The following STAU1 variants were observed in gnomAD, a reference collection of about 807,000 sequenced individuals.
STAU1 encodes the protein double-stranded RNA-binding protein Staufen homolog 1.
In STAU1, 13 loss-of-function variants were observed where a neutral mutation model predicts 62.9. That is an observed-to-expected ratio of 0.21 (90% confidence interval 0.13 to 0.33). The LOEUF (loss-of-function observed/expected upper bound fraction) is 0.33. Ranked by LOEUF, STAU1 falls within the 10% of genes least tolerant of loss-of-function variation. STAU1 has a pLI of 1.00. For synonymous variants in STAU1, 269 were observed against 265.1 expected, an observed-to-expected ratio of 1.01 and a Z score of -0.14; for missense variants, 571 against 712.1, an observed-to-expected ratio of 0.80 and a Z score of 2.25.
chr20:49,159,276 G>C, intron 3 of STAU1: 1 of 428,196 alleles, frequency 2.3e-6, no homozygotes, highest in Non-Finnish European at 3.2e-6. Context: ...TCTTGGTTTT[G>C]ATAGAACCAA....
At chr20:49,214,394 T>C in the STAU1 span, among the ~76,000 whole-genome samples, 1 of 152,078 alleles carries the variant, frequency 6.6e-6, no homozygotes, top group Admixed American at 6.6e-5. Flanking sequence ...GGCATGTGCC[T>C]GTAGTCCCAA....
intron 9 of STAU1, 39 bp from the exon 10 acceptor site, chr20:49,118,447 A>G: frequency 6.7e-7 from 1 of 1,483,590 alleles, no homozygotes; most frequent in Non-Finnish European, 9.3e-7. Context: ...CCATGAGCAT[A>G]AATCAGATCA....
intron 1 of STAU1, among the ~76,000 whole-genome samples, chr20:49,182,522 T>C (rs1159290051): frequency 4.6e-5 from 7 of 152,156 alleles, no homozygotes; most frequent in Non-Finnish European, 1.0e-4. Context: ...CATAATACTG[T>C]ATGGTAAAAT....
intron 5 of STAU1, 39 bp from the exon 6 acceptor site, chr20:49,135,970 A>T (rs1326685310): frequency 6.6e-7 from 1 of 1,511,278 alleles, no homozygotes; most frequent in Non-Finnish European, 9.1e-7. Context: ...TCTTATTAAA[A>T]TAGTCAATGG....
chr20:49,178,554 G>T (rs1037183332), intron 1 of STAU1, among the ~76,000 whole-genome samples: 1 of 151,902 alleles, frequency 6.6e-6, no homozygotes, highest in Non-Finnish European at 1.5e-5. Context: ...TTCAAGATCA[G>T]CCTGGCTAAC....
At chr20:49,190,986 G>A (rs969095822), upstream of STAU1, among the ~76,000 whole-genome samples, 2 of 145,950 alleles carry the variant, frequency 1.4e-5, no homozygotes, top group African/African-American at 5.1e-5. Flanking sequence ...GCTCTCTGAT[G>A]CAAAGCTCAT....
At chr20:49,128,408 G>A (rs1376337857) in intron 6 of STAU1, among the ~76,000 whole-genome samples, 1 of 152,018 alleles carries the variant, frequency 6.6e-6, no homozygotes. Flanking sequence ...TGGCTCTCCA[G>A]CAGGAACAAG....
intron 6 of STAU1, among the ~76,000 whole-genome samples, chr20:49,125,584 C>T (rs1341955757): frequency 7.3e-5 from 11 of 149,746 alleles, no homozygotes; most frequent in Non-Finnish European, 1.2e-4. Context: ...CGGTGGCTCA[C>T]GCCTGTAATC....
At chr20:49,187,596 G>C (rs147098648) in intron 1 of STAU1, among the ~76,000 whole-genome samples, 1 of 152,126 alleles carries the variant, frequency 6.6e-6, no homozygotes, top group Non-Finnish European at 1.5e-5. Flanking sequence ...AGGCAGGGAC[G>C]GTATTAGCAG....
At position 49,113,955 on chromosome 20, in the gene STAU1, GAAAT is replaced by G. The variant is rs1286634991; in HGVS notation, c.*919_*922del. The G allele has an allele frequency of 1.3e-5, 2 of 152,682 alleles. No individual in the cohort carries two copies. Among genetic ancestry groups the G allele is most frequent in the African/African-American group, 4.8e-5 (2 of 41,554 alleles). 9.5% of individuals were successfully genotyped at this position (152,682 alleles called of 1,614,324 possible). On this transcript the variant is annotated 3_prime_UTR_variant, in exon 14 of 14. Coordinates refer to ENST00000371856, the MANE Select transcript of STAU1 (RefSeq NM_017453.4). ...TGTTTGCATTAACAAAAATAAAAAT[GAAAT>G]AAAAATGGAACCAAATGATCATCTA...
At chr20:49,143,916 G>C (rs760139143) in intron 5 of STAU1, among the ~76,000 whole-genome samples, 1 of 152,148 alleles carries the variant, frequency 6.6e-6, no homozygotes, top group Non-Finnish European at 1.5e-5. Flanking sequence ...ACCTGCAGCT[G>C]GGGCACAGCC....
chr20:49,123,774 A>T (rs966900994), intron 7 of STAU1, among the ~76,000 whole-genome samples: 1 of 152,224 alleles, frequency 6.6e-6, no homozygotes, highest in African/African-American at 2.4e-5. Flanking sequence ...AAAGGGAAAC[A>T]AAAGGTATAC....
chr20:49,200,588 A>C, the STAU1 span, among the ~76,000 whole-genome samples: 1 of 151,628 alleles, frequency 6.6e-6, no homozygotes, highest in African/African-American at 2.4e-5. Context: ...GCGACAGAGC[A>C]AGACTCCGTC....
the STAU1 span, among the ~76,000 whole-genome samples, chr20:49,206,639 G>A: frequency 7.1e-6 from 1 of 141,260 alleles, no homozygotes; most frequent in Non-Finnish European, 1.5e-5. Flanking sequence ...TGAGATTATA[G>A]GCATGAGCCA....
the STAU1 span, among the ~76,000 whole-genome samples, chr20:49,211,577 G>A: frequency 6.6e-6 from 1 of 151,940 alleles, no homozygotes; most frequent in South Asian, 2.1e-4. Context: ...GTGCGATCTA[G>A]GCTCACTGCA....
chr20:49,199,237 T>C, the STAU1 span, among the ~76,000 whole-genome samples: 3 of 151,748 alleles, frequency 2.0e-5, no homozygotes, highest in African/African-American at 7.3e-5. Flanking sequence ...GCCTGGCTGA[T>C]TTTTTTTATT....
chr20:49,126,756 A>G (rs1049028267), intron 6 of STAU1, among the ~76,000 whole-genome samples: 4 of 152,058 alleles, frequency 2.6e-5, no homozygotes, highest in African/African-American at 9.7e-5. Context: ...CACGAAAAAG[A>G]CCTGCACATA....
chr20:49,122,694 G>C (rs368254429), intron 8 of STAU1, among the ~76,000 whole-genome samples: 9 of 152,100 alleles, frequency 5.9e-5, no homozygotes, highest in African/African-American at 2.2e-4. Context: ...GAGGTGGGAG[G>C]ATCACAAGGT....
chr20:49,184,348 G>C (rs2146616627), intron 1 of STAU1, among the ~76,000 whole-genome samples: 1 of 152,066 alleles, frequency 6.6e-6, no homozygotes, highest in South Asian at 2.1e-4. Flanking sequence ...GCCTATCTCA[G>C]CAGCTTAGGG....
Sources: allele counts gnomAD v4.1 joint callset (sites outside exome capture counted in the v4.1 genomes callset), GRCh38; gene constraint gnomAD v4.1.1; transcripts MANE v1.5; gene names NCBI Gene and HGNC (gene_info 2026-07-23, HGNC 2026-07-21).